SYNDIG1: variants seen among roughly 807,000 people sequenced by gnomAD.
The protein encoded by SYNDIG1 is synapse differentiation inducing 1, also known as synapse differentiation-inducing gene protein 1.
A neutral mutation model predicts 19.4 loss-of-function variants in SYNDIG1; 9 were observed. That is an observed-to-expected ratio of 0.46 (90% CI 0.28 to 0.81). The LOEUF (loss-of-function observed/expected upper bound fraction) is 0.81, where lower values mean the gene tolerates loss of function less well. Ranked by LOEUF, SYNDIG1 falls within the 30% of genes least tolerant of loss-of-function variation. The pLI, the probability that SYNDIG1 is intolerant of heterozygous loss-of-function variation, is 0.12. For missense variants in SYNDIG1, 311 were observed against 343.3 expected, an observed-to-expected ratio of 0.91 and a Z score of 0.74; for synonymous variants, 141 against 145.9, an observed-to-expected ratio of 0.97 and a Z score of 0.24.
chr20:24,517,966 C>T (rs977095269), intron 1 of SYNDIG1, among the ~76,000 whole-genome samples: 2 of 151,190 alleles, frequency 1.3e-5, no homozygotes, highest in African/African-American at 2.4e-5. Context: ...CCAACACACC[C>T]GGCTAATTTT....
chr20:24,516,712 T>C (rs2056873863), intron 1 of SYNDIG1, among the ~76,000 whole-genome samples: 1 of 152,214 alleles, frequency 6.6e-6, no homozygotes. Flanking sequence ...ACTTTTACAC[T>C]GTTGGTTGGA....
chr20:24,482,368 C>T (rs147000431), intron 1 of SYNDIG1, among the ~76,000 whole-genome samples: 5 of 152,222 alleles, frequency 3.3e-5, no homozygotes, highest in Non-Finnish European at 4.4e-5. Context: ...CACGCCCGGC[C>T]GTGCATCTTT....
chr20:24,501,508 G>GAT (rs1277956292), intron 1 of SYNDIG1, among the ~76,000 whole-genome samples: 1 of 152,144 alleles, frequency 6.6e-6, no homozygotes, highest in Non-Finnish European at 1.5e-5. Context: ...CTGCATTTCT[G>GAT]ATGGGAAGCT....
intron 3 of SYNDIG1, among the ~76,000 whole-genome samples, chr20:24,646,600 G>A (rs560494663): frequency 1.2e-4 from 18 of 151,812 alleles, no homozygotes; most frequent in Non-Finnish European, 2.5e-4. Flanking sequence ...GCAGCCCGAG[G>A]TCCTCACCAT....
intron 3 of SYNDIG1, among the ~76,000 whole-genome samples, chr20:24,646,918 G>A (rs994993021): frequency 6.6e-6 from 1 of 152,170 alleles, no homozygotes; most frequent in Non-Finnish European, 1.5e-5. Context: ...ACCAAGCCCG[G>A]CTGATGCTCA....
chr20:24,493,364 A>G (rs1326025645), intron 1 of SYNDIG1, among the ~76,000 whole-genome samples: 1 of 152,074 alleles, frequency 6.6e-6, no homozygotes, highest in Admixed American at 6.6e-5. Flanking sequence ...GGAAACACGC[A>G]TGCACACACA....
In SYNDIG1 at chr20:24,587,254, G is replaced by A. The variant is rs772899705; in HGVS notation, c.618+2261G>A. Among the ~76,000 whole-genome samples the A allele has an allele frequency of 4.3e-4, 65 of 152,302 alleles. 1 individual carries two copies. The highest frequency in any genetic ancestry group is 8.3e-4 in the South Asian group (4 of 4,828). On this transcript the variant is annotated intron_variant, in intron 3 of 3. Coordinates refer to ENST00000376862, the MANE Select transcript of SYNDIG1 (RefSeq NM_024893.3). ...TGGCTGCAGCCTCCCTTTTCAGTGTGCTTTGAGAATGTATTTCCCTGTGGT... is the reference window on the plus strand; with the variant it reads ...TGGCTGCAGCCTCCCTTTTCAGTGTACTTTGAGAATGTATTTCCCTGTGGT...
intron 2 of SYNDIG1, among the ~76,000 whole-genome samples, chr20:24,545,033 C>T (rs1413223338): frequency 6.6e-6 from 1 of 152,136 alleles, no homozygotes; most frequent in African/African-American, 2.4e-5. Flanking sequence ...CATGGGACCC[C>T]ACACTTGATA....
intron 1 of SYNDIG1, among the ~76,000 whole-genome samples, chr20:24,493,858 G>GC (rs1312709774): frequency 6.6e-6 from 1 of 152,130 alleles, no homozygotes; most frequent in Admixed American, 6.5e-5. Context: ...AGAGCACTGA[G>GC]CCCCCCGGCT....
At chr20:24,551,749 TA>T in intron 2 of SYNDIG1, among the ~76,000 whole-genome samples, 1 of 152,308 alleles carries the variant, frequency 6.6e-6, no homozygotes, top group Non-Finnish European at 1.5e-5. Flanking sequence ...TCTAATGAGT[TA>T]TTTATTAATG....
At position 24,651,480 on chromosome 20, in the gene SYNDIG1, G is replaced by A. The variant is rs867773077; in HGVS notation, c.619-13866G>A. 4.8e-4 allele frequency among the ~76,000 whole-genome samples: 73 copies of A among 152,244 alleles called. No homozygotes were observed. The Middle Eastern group carries it at 0.024, about 50-fold the overall frequency. Reference sequence around the variant, plus strand: ...CAAAGGCAGAGAAACGACCACACATGAGCCAAGTTTGTGATTGAATCAGTA... The same window carrying A: ...CAAAGGCAGAGAAACGACCACACATAAGCCAAGTTTGTGATTGAATCAGTA... On this transcript the variant is annotated intron_variant, in intron 3 of 3. Coordinates refer to ENST00000376862, the MANE Select transcript of SYNDIG1 (RefSeq NM_024893.3).
intron 1 of SYNDIG1, among the ~76,000 whole-genome samples, chr20:24,522,432 A>G (rs1446661964): frequency 2.0e-5 from 3 of 152,174 alleles, no homozygotes; most frequent in Non-Finnish European, 4.4e-5. Flanking sequence ...AAATTCTACC[A>G]GTGGACTCCC....
intron 1 of SYNDIG1, among the ~76,000 whole-genome samples, chr20:24,506,636 G>T (rs1044018493): frequency 6.6e-6 from 1 of 152,216 alleles, no homozygotes; most frequent in Non-Finnish European, 1.5e-5. Flanking sequence ...TGGAACTGTG[G>T]CCCTGTGGGC....
In SYNDIG1 at chr20:24,658,312, G is replaced by A. The variant is rs2059548622; in HGVS notation, c.619-7034G>A. Among the ~76,000 whole-genome samples, 1 of 152,140 alleles carries A rather than the reference G, an allele frequency of 6.6e-6. No individual in the cohort carries two copies. The highest frequency in any genetic ancestry group is 6.5e-5 in the Admixed American group (1 of 15,278). On this transcript the variant is annotated intron_variant, in intron 3 of 3. Coordinates refer to ENST00000376862, the MANE Select transcript of SYNDIG1 (RefSeq NM_024893.3). This position sits in a 1 kb window ranked among gnomAD's most constrained non-coding sequence, Gnocchi z 4.4. ...CATCTCCAGGGTGTCTCGGGGAAAG[G>A]CAGGTAGTGACGCGGCAGGGGACTG...
At chr20:24,616,473 G>A (rs551704124) in intron 3 of SYNDIG1, among the ~76,000 whole-genome samples, 4 of 152,330 alleles carry the variant, frequency 2.6e-5, no homozygotes, top group African/African-American at 4.8e-5. Context: ...AGACAGGGCC[G>A]AGGTTGGCTG....
chr20:24,633,225 A>G (rs1050626838), intron 3 of SYNDIG1, among the ~76,000 whole-genome samples: 1 of 152,168 alleles, frequency 6.6e-6, no homozygotes, highest in African/African-American at 2.4e-5. Flanking sequence ...CCTGGCCGCA[A>G]TCATTCAGGC....
intron 2 of SYNDIG1, among the ~76,000 whole-genome samples, chr20:24,576,782 T>C (rs1258440378): frequency 6.6e-6 from 1 of 151,366 alleles, no homozygotes. Flanking sequence ...TGTCTCCTCC[T>C]CCCCATCCCA....
At chr20:24,591,695 T>A (rs4815280) in intron 3 of SYNDIG1, among the ~76,000 whole-genome samples, 57,765 of 151,998 alleles carry the variant, frequency 0.38, 11,280 homozygotes, top group Admixed American at 0.46. Flanking sequence ...TCGCACATAG[T>A]TGACATCACA....
At chr20:24,648,470 T>G (rs1222778170) in intron 3 of SYNDIG1, among the ~76,000 whole-genome samples, 1 of 152,268 alleles carries the variant, frequency 6.6e-6, no homozygotes, top group African/African-American at 2.4e-5. Context: ...TTTGTCTCAC[T>G]GTATCATCAC....
Sources: allele counts gnomAD v4.1 joint callset (sites outside exome capture counted in the v4.1 genomes callset), GRCh38; gene constraint gnomAD v4.1.1; non-coding constraint Gnocchi (gnomAD v3.1); transcripts MANE v1.5; gene names NCBI Gene and HGNC (gene_info 2026-07-23, HGNC 2026-07-21).